The following FOCAD variants were observed in gnomAD, a reference collection of about 807,000 sequenced individuals.
The protein encoded by FOCAD is focadhesin, also known as KIAA1797.
Under a neutral mutation model 225.6 loss-of-function variants are expected in FOCAD, and 198 were observed. The ratio of observed to expected loss-of-function variants is 0.88; its 90% confidence interval spans 0.78 to 0.99. The LOEUF (loss-of-function observed/expected upper bound fraction) is 0.99. Ranked by LOEUF, FOCAD falls within the 50% of genes least tolerant of loss-of-function variation. The probability of loss-of-function intolerance (pLI) is 0.00; values close to 1 mark genes in which losing one functional copy is unlikely to be tolerated. For missense variants in FOCAD, 2,713 were observed against 2,123.6 expected (o/e 1.28, Z -5.46); for synonymous variants, 897 against 755.0 (o/e 1.19, Z -3.08).
chr9:20,860,161 C>G (rs2131680254), intron 15 of FOCAD, among the ~76,000 whole-genome samples: 1 of 152,202 alleles, frequency 6.6e-6, no homozygotes, highest in Non-Finnish European at 1.5e-5. Flanking sequence ...GCTTATATAA[C>G]TATAATACAG....
intron 6 of FOCAD, among the ~76,000 whole-genome samples, chr9:20,759,208 C>G (rs1206746740): frequency 1.3e-5 from 2 of 152,116 alleles, no homozygotes; most frequent in East Asian, 1.9e-4. Context: ...CCATTAAAAA[C>G]TACTTTAAAG....
At chr9:20,789,832 A>G (rs1181764594) in intron 11 of FOCAD, among the ~76,000 whole-genome samples, 1 of 151,804 alleles carries the variant, frequency 6.6e-6, no homozygotes, top group African/African-American at 2.4e-5. Flanking sequence ...AGCACACTTC[A>G]CAACGAAATC....
At chr9:20,778,059 C>T (rs1469294977) in intron 8 of FOCAD, among the ~76,000 whole-genome samples, 9 of 135,874 alleles carry the variant, frequency 6.6e-5, no homozygotes, top group African/African-American at 1.7e-4. Flanking sequence ...CACAGCACTC[C>T]CGCCTGGGCG....
chr9:20,930,402 A>G (rs1424737652), intron 27 of FOCAD, among the ~76,000 whole-genome samples: 1 of 152,186 alleles, frequency 6.6e-6, no homozygotes, highest in Admixed American at 6.5e-5. Flanking sequence ...TTTTGATGTC[A>G]ATGACTAGGC....
At chr9:20,904,367 A>T (rs1192787501) in intron 21 of FOCAD, among the ~76,000 whole-genome samples, 1 of 151,840 alleles carries the variant, frequency 6.6e-6, no homozygotes, top group Non-Finnish European at 1.5e-5. Flanking sequence ...ACCATTTTTT[A>T]TTCCCACTAG....
At chr9:20,847,263 T>G (rs1253976325) in intron 15 of FOCAD, among the ~76,000 whole-genome samples, 1 of 152,084 alleles carries the variant, frequency 6.6e-6, no homozygotes. Flanking sequence ...CAACCAATAA[T>G]CTACTTTTAG....
At chr9:20,949,075 A>G (rs1336031328) in intron 32 of FOCAD, 147 bp downstream of exon 32, 6 of 665,212 alleles carry the variant, frequency 9.0e-6, no homozygotes, top group Non-Finnish European at 1.3e-5. Context: ...GCCTTGCTGT[A>G]TGAATAATTG....
At chr9:20,869,075 A>T (rs1829541552) in intron 18 of FOCAD, among the ~76,000 whole-genome samples, 1 of 152,164 alleles carries the variant, frequency 6.6e-6, no homozygotes, top group African/African-American at 2.4e-5. Context: ...ACACTATAAA[A>T]CAGTGATGTG....
intron 1 of FOCAD, among the ~76,000 whole-genome samples, chr9:20,706,283 A>C (rs896285369): frequency 2.0e-5 from 3 of 152,096 alleles, no homozygotes; most frequent in African/African-American, 7.2e-5. Flanking sequence ...CCTGGACAGC[A>C]ATCAGTTCTG....
chr9:20,983,985 G>A (rs1840938387), intron 39 of FOCAD, among the ~76,000 whole-genome samples: 1 of 152,198 alleles, frequency 6.6e-6, no homozygotes, highest in African/African-American at 2.4e-5. Flanking sequence ...ACCTAGAGCT[G>A]AAGGTTGCTG....
At chr9:20,768,342 G>GT (rs932031331) in intron 7 of FOCAD, among the ~76,000 whole-genome samples, 2 of 152,142 alleles carry the variant, frequency 1.3e-5, no homozygotes, top group South Asian at 2.1e-4. Flanking sequence ...CTTTAAAGTA[G>GT]TTTTTTTCCA....
intron 11 of FOCAD, among the ~76,000 whole-genome samples, chr9:20,808,736 CCT>C (rs1822731040): frequency 6.6e-6 from 1 of 152,084 alleles, no homozygotes; most frequent in Non-Finnish European, 1.5e-5. Context: ...GAAAATCTGT[CCT>C]CTGTCTCATT....
At position 20,988,349 on chromosome 9, in the gene FOCAD, G is replaced by C. The variant is rs748973467; in HGVS notation, c.4924G>C (p.Glu1642Gln). 1.2e-6 allele frequency: 2 copies of C among 1,609,212 alleles called. No individual in the cohort carries two copies. Among genetic ancestry groups the C allele is most frequent in the African/African-American group, 1.3e-5 (1 of 74,724 alleles). The change falls in exon 41 of 44, where the codon GAG (glutamate) becomes CAG (glutamine). Residue 1642 changes from glutamate to glutamine, a missense_variant. By Grantham distance (29) the Glu-to-Gln change is conservative. Coordinates refer to ENST00000338382, the MANE Select transcript of FOCAD (RefSeq NM_001375567.1). Reference sequence around the variant, plus strand: ...CATTTCAGGCGTTTTGAAGAGAATGGAGTGGCTCTTGGAACTGATGGGTTA... The same window carrying C: ...CATTTCAGGCGTTTTGAAGAGAATGCAGTGGCTCTTGGAACTGATGGGTTA... ...HANTGVLKRM[E>Q]WLLELMGYIR...
intron 6 of FOCAD, among the ~76,000 whole-genome samples, chr9:20,760,662 G>A (rs545818492): frequency 1.3e-5 from 2 of 152,090 alleles, no homozygotes; most frequent in African/African-American, 2.4e-5. Flanking sequence ...GCTGTATTAG[G>A]TGTGTCTCTT....
chr9:20,769,972 T>C (rs939972526), intron 7 of FOCAD, 60 bp from the exon 8 acceptor site: 12 of 1,476,662 alleles, frequency 8.1e-6, no homozygotes, highest in Non-Finnish European at 1.1e-5. Flanking sequence ...TTTTGTGTAC[T>C]TTAAAATTAT....
rs1324835655 is a variant in FOCAD at position 20,715,344 on chromosome 9, A to G, written c.-10A>G. 6.6e-7 allele frequency: 1 copy of G among 1,515,680 alleles called. No individual in the cohort carries two copies. Among genetic ancestry groups the G allele is most frequent in the South Asian group, 1.4e-5 (1 of 71,638 alleles). 93.9% of individuals were successfully genotyped at this position (1,515,680 alleles called of 1,614,324 possible). On this transcript the variant is annotated 5_prime_UTR_variant, in exon 2 of 44. Coordinates refer to ENST00000338382, the MANE Select transcript of FOCAD (RefSeq NM_001375567.1). ...CAGAAGCTGCACACATACATGTAAG[A>G]GAAGCAAAAATGTCAGATGATATCA...
At chr9:20,933,144 T>G in intron 28 of FOCAD, 41 bp downstream of exon 28, 1 of 1,385,242 alleles carries the variant, frequency 7.2e-7, no homozygotes, top group Non-Finnish European at 1.0e-6. Context: ...TACTTAGACA[T>G]TGCTCCCTAC....
At chr9:20,945,659 A>G (rs1372122150) in intron 29 of FOCAD, among the ~76,000 whole-genome samples, 1 of 152,196 alleles carries the variant, frequency 6.6e-6, no homozygotes, top group Non-Finnish European at 1.5e-5. Context: ...TTTTTAAGCC[A>G]AAAGAGTAAA....
intron 14 of FOCAD, among the ~76,000 whole-genome samples, 167 bp from the exon 15 acceptor site, chr9:20,822,821 TC>T (rs1824469301): frequency 3.1e-5 from 2 of 64,530 alleles, no homozygotes; most frequent in South Asian, 8.8e-4. Context: ...CAGAAAATGA[TC>T]ATGATGCACA....
Sources: allele counts gnomAD v4.1 joint callset (sites outside exome capture counted in the v4.1 genomes callset), GRCh38; gene constraint gnomAD v4.1.1; transcripts MANE v1.5; gene names NCBI Gene and HGNC (gene_info 2026-07-23, HGNC 2026-07-21).